The following CEP15 variants were observed in gnomAD, a reference collection of about 807,000 sequenced individuals.
CEP15 encodes centrosomal protein 15.
chr3:62,320,885 G>A, the CEP15 span, among the ~76,000 whole-genome samples: 3 of 152,132 alleles, frequency 2.0e-5, no homozygotes, highest in African/African-American at 7.2e-5. Context: ...ATGCTCTCAT[G>A]CCATTGTCTT....
At chr3:62,323,594 T>C in the CEP15 span, among the ~76,000 whole-genome samples, 2 of 152,226 alleles carry the variant, frequency 1.3e-5, no homozygotes, top group East Asian at 3.9e-4. Flanking sequence ...AAGAAATAAA[T>C]GAGTGGGTAT....
the CEP15 span, among the ~76,000 whole-genome samples, chr3:62,327,835 A>G: frequency 6.6e-6 from 1 of 151,994 alleles, no homozygotes; most frequent in Non-Finnish European, 1.5e-5. Context: ...ATGAGGTGGT[A>G]TTTTGTTTTT....
At chr3:62,333,674 T>C in the CEP15 span, 1 of 216,472 alleles carries the variant, frequency 4.6e-6, no homozygotes, top group Non-Finnish European at 9.0e-6. This position sits in a 1 kb window ranked among gnomAD's most constrained non-coding sequence, Gnocchi z 4.0. Flanking sequence ...AGTGTGTTGC[T>C]TTAAAAAAAA....
At chr3:62,335,325 C>T in the CEP15 span, 5 of 152,122 alleles carry the variant, frequency 3.3e-5, no homozygotes, top group East Asian at 9.7e-4. Context: ...TCCAAGGCTC[C>T]TGCTGTAGTG....
the CEP15 span, among the ~76,000 whole-genome samples, chr3:62,326,466 G>A: frequency 6.6e-6 from 1 of 152,168 alleles, no homozygotes; most frequent in Non-Finnish European, 1.5e-5. Context: ...TAGATTTCAA[G>A]TTTTGGAGGA....
At chr3:62,328,898 GTTT>G in the CEP15 span, among the ~76,000 whole-genome samples, 1 of 131,686 alleles carries the variant, frequency 7.6e-6, no homozygotes. Flanking sequence ...AAATTGCGAA[GTTT>G]TTTTTTTTTT....
chr3:62,325,241 C>T, the CEP15 span, among the ~76,000 whole-genome samples: 4 of 152,072 alleles, frequency 2.6e-5, no homozygotes, highest in Non-Finnish European at 5.9e-5. Flanking sequence ...TCAGCTGTTA[C>T]ACATACCCTC....
At chr3:62,332,184 AC>A in the CEP15 span, among the ~76,000 whole-genome samples, 1 of 152,064 alleles carries the variant, frequency 6.6e-6, no homozygotes, top group East Asian at 1.9e-4. Flanking sequence ...CATATACAGG[AC>A]CCACACAATG....
the CEP15 span, among the ~76,000 whole-genome samples, chr3:62,323,027 C>G: frequency 7.7e-3 from 1,173 of 152,224 alleles, 9 homozygotes; most frequent in Middle Eastern, 0.031. Flanking sequence ...CTGGAATTTG[C>G]TCTGAAAAGT....
At chr3:62,328,602 G>A in the CEP15 span, among the ~76,000 whole-genome samples, 1 of 152,136 alleles carries the variant, frequency 6.6e-6, no homozygotes, top group African/African-American at 2.4e-5. Context: ...ACAAAGTATA[G>A]TCAAGTAAGC....
the CEP15 span, among the ~76,000 whole-genome samples, chr3:62,330,891 G>A: frequency 6.6e-6 from 1 of 152,108 alleles, no homozygotes; most frequent in Non-Finnish European, 1.5e-5. Context: ...GGAGAGACTA[G>A]AACTCTTCAC....
the CEP15 span, chr3:62,322,135 A>G: frequency 5.3e-3 from 7,577 of 1,418,390 alleles, 25 homozygotes; most frequent in Non-Finnish European, 6.5e-3. The surrounding 1 kb of genome is among the most constrained non-coding windows in gnomAD (Gnocchi z 5.5). Context: ...ATTGATTTAT[A>G]TAACTTATTG....
At chr3:62,329,403 G>A in the CEP15 span, among the ~76,000 whole-genome samples, 2 of 152,130 alleles carry the variant, frequency 1.3e-5, no homozygotes, top group South Asian at 4.1e-4. Context: ...ATAGACCACA[G>A]TCTTGAGAGA....
the CEP15 span, chr3:62,320,402 TG>T: frequency 7.9e-7 from 1 of 1,266,238 alleles, no homozygotes. Flanking sequence ...AATCAAATGT[TG>T]CAAAGCTGAG....
At chr3:62,320,754 C>T in the CEP15 span, among the ~76,000 whole-genome samples, 2 of 151,938 alleles carry the variant, frequency 1.3e-5, no homozygotes, top group Admixed American at 6.6e-5. Context: ...TAAATTTGCC[C>T]CTCCTCCCAC....
the CEP15 span, among the ~76,000 whole-genome samples, chr3:62,331,120 A>G: frequency 6.6e-6 from 1 of 152,166 alleles, no homozygotes; most frequent in Non-Finnish European, 1.5e-5. Context: ...CCCCACCCCT[A>G]TCAAAATAAG....
At chr3:62,328,977 G>C in the CEP15 span, among the ~76,000 whole-genome samples, 5 of 147,944 alleles carry the variant, frequency 3.4e-5, no homozygotes, top group Non-Finnish European at 7.4e-5. Context: ...GATTTTTTAA[G>C]TCTAGGGAAA....
At chr3:62,333,596 C>G in the CEP15 span, 1 of 443,164 alleles carries the variant, frequency 2.3e-6, no homozygotes, top group African/African-American at 2.0e-5. This position sits in a 1 kb window ranked among gnomAD's most constrained non-coding sequence, Gnocchi z 4.0. Context: ...CTACCAAACC[C>G]ATAGATGTGT....
At chr3:62,323,826 G>A in the CEP15 span, 10 of 152,056 alleles carry the variant, frequency 6.6e-5, no homozygotes, top group Non-Finnish European at 1.5e-4. Flanking sequence ...TAAAGTAGAC[G>A]AAATAGCATA....
Sources: gnomAD v4.1 joint callset for allele counts (sites outside exome capture counted in the v4.1 genomes callset) on GRCh38, gnomAD v4.1.1 for gene constraint, Gnocchi (gnomAD v3.1) non-coding constraint, MANE v1.5 for transcripts, NCBI Gene and HGNC (gene_info 2026-07-23, HGNC 2026-07-21) for gene names.